PTPN3: variants seen among roughly 807,000 people sequenced by gnomAD.
The protein encoded by PTPN3 is protein tyrosine phosphatase non-receptor type 3.
PTPN3 carries 96 observed loss-of-function variants against 132.7 expected under a neutral mutation model. That is an observed-to-expected ratio of 0.72 (90% CI 0.61 to 0.86). The LOEUF (loss-of-function observed/expected upper bound fraction) is 0.86. PTPN3 is among the 40% of genes least tolerant of loss of function. The pLI is 0.00. For synonymous variants in PTPN3, 398 were observed against 429.0 expected, an observed-to-expected ratio of 0.93 and a Z score of 0.89; for missense variants, 1,125 against 1,159.6, an observed-to-expected ratio of 0.97 and a Z score of 0.43.
Position 109,379,319 on chromosome 9 carries a change from C to G in PTPN3, c.*237G>C. 1.9e-6 allele frequency: 1 copy of G among 514,474 alleles called. No individual in the cohort carries two copies. Among genetic ancestry groups the G allele is most frequent in the Non-Finnish European group, 3.5e-6 (1 of 288,522 alleles). The allele number at this position is 514,474 out of a possible 1,614,324, so 31.9% of individuals were successfully genotyped here. On this transcript the variant is annotated 3_prime_UTR_variant, in exon 26 of 26. Coordinates refer to ENST00000374541, the MANE Select transcript of PTPN3 (RefSeq NM_002829.4). ...ATTAGGACAGGCCCCAAACTGAGAT[C>G]CTTTTTGTATCTTTCCATAGAAATA...
intron 2 of PTPN3, among the ~76,000 whole-genome samples, chr9:109,460,111 T>C (rs1462013834): frequency 6.6e-6 from 1 of 152,136 alleles, no homozygotes; most frequent in Non-Finnish European, 1.5e-5. Context: ...CAGAACTGAT[T>C]ACTTCTACCC....
intron 1 of PTPN3, among the ~76,000 whole-genome samples, chr9:109,465,833 A>G (rs1846078880): frequency 1.3e-5 from 2 of 152,034 alleles, no homozygotes; most frequent in South Asian, 4.2e-4. Context: ...AGGGCCTGAG[A>G]GTAAGTTAAC....
chr9:109,498,355 C>CCGCGACGGGCCCG (rs1222205924), upstream of PTPN3: 1 of 146,432 alleles, frequency 6.8e-6, no homozygotes, highest in East Asian at 2.0e-4. The surrounding 1 kb of genome is among the most constrained non-coding windows in gnomAD (Gnocchi z 4.2). Flanking sequence ...GCCGGGCTGG[C>CCGCGACGGGCCCG]CGCGACGGGC....
intron 14 of PTPN3, among the ~76,000 whole-genome samples, chr9:109,416,404 G>A (rs1842486575): frequency 6.6e-6 from 1 of 152,036 alleles, no homozygotes; most frequent in Non-Finnish European, 1.5e-5. Flanking sequence ...GGATCCCCCA[G>A]GTTCCTTCCA....
chr9:109,490,179 T>C lies in PTPN3; in HGVS notation c.-18+8040A>G, dbSNP rs538629509. Among the ~76,000 whole-genome samples the C allele has an allele frequency of 6.6e-5, 10 of 151,370 alleles. No individual in the cohort carries two copies. In the East Asian group the frequency reaches 1.8e-3, roughly 27 times the overall value. On this transcript the variant is annotated intron_variant, in intron 1 of 25. Coordinates refer to ENST00000374541, the MANE Select transcript of PTPN3 (RefSeq NM_002829.4). The stretch of plus-strand genomic sequence containing the variant: ...GCCTGGGTGACAGAGCAAGACTCCA[T>C]CTCAAAAAAAACAAAACAAAAACAA...
At chr9:109,496,243 C>G (rs570209545) in intron 1 of PTPN3, among the ~76,000 whole-genome samples, 1 of 152,332 alleles carries the variant, frequency 6.6e-6, no homozygotes, top group Non-Finnish European at 1.5e-5. Flanking sequence ...TCGCTATAAA[C>G]TAGAATATTT....
chr9:109,451,455 T>A, intron 5 of PTPN3: 1 of 903,038 alleles, frequency 1.1e-6, no homozygotes, highest in Non-Finnish European at 1.3e-6. Context: ...ACACACACTG[T>A]TTATTACTCA....
chr9:109,479,413 ATTGG>A (rs1461735496), intron 1 of PTPN3, among the ~76,000 whole-genome samples: 1 of 152,220 alleles, frequency 6.6e-6, no homozygotes, highest in Non-Finnish European at 1.5e-5. Flanking sequence ...TTCATCTGTC[ATTGG>A]ACATTTGGGT....
chr9:109,532,927 AG>A, the PTPN3 span: 1 of 693,534 alleles, frequency 1.4e-6, no homozygotes, highest in Non-Finnish European at 2.0e-6. Context: ...CTTGTGGTTT[AG>A]GGTTTTCTTT....
the PTPN3 span, among the ~76,000 whole-genome samples, chr9:109,525,348 G>T: frequency 1.3e-5 from 2 of 152,218 alleles, no homozygotes; most frequent in African/African-American, 2.4e-5. Flanking sequence ...GTGAGCCACT[G>T]CACCTAGCTG....
At chr9:109,529,410 A>C in the PTPN3 span, among the ~76,000 whole-genome samples, 2 of 151,390 alleles carry the variant, frequency 1.3e-5, no homozygotes, top group African/African-American at 4.8e-5. Flanking sequence ...CTCAAGTCTG[A>C]GAACCACTGT....
intron 9 of PTPN3, among the ~76,000 whole-genome samples, chr9:109,436,060 G>A (rs1386681145): frequency 6.6e-6 from 1 of 152,148 alleles, no homozygotes; most frequent in South Asian, 2.1e-4. Flanking sequence ...GATTTCACAA[G>A]GTTTCTATGA....
intron 7 of PTPN3, among the ~76,000 whole-genome samples, chr9:109,438,601 G>A (rs554275946): frequency 2.6e-5 from 4 of 152,312 alleles, no homozygotes; most frequent in East Asian, 3.9e-4. Flanking sequence ...ACCCACTGGG[G>A]GAAATGCCAC....
At position 109,446,521 on chromosome 9, in the gene PTPN3, C is replaced by T. The variant is rs572940476; in HGVS notation, c.414-1229G>A. 3.9e-5 allele frequency among the ~76,000 whole-genome samples: 6 copies of T among 152,238 alleles called. No homozygotes were observed. The East Asian group carries it at 1.2e-3, about 29-fold the overall frequency. On this transcript the variant is annotated intron_variant, in intron 6 of 25. Coordinates refer to ENST00000374541, the MANE Select transcript of PTPN3 (RefSeq NM_002829.4). Reference sequence around the variant, plus strand: ...AGGGATCTCACCTCTGTTTGTTCATCTGGAAATCTAGAGAGCTCGTGGGGA... The same window carrying T: ...AGGGATCTCACCTCTGTTTGTTCATTTGGAAATCTAGAGAGCTCGTGGGGA...
intron 16 of PTPN3, among the ~76,000 whole-genome samples, chr9:109,409,112 T>C (rs1336772609): frequency 6.6e-6 from 1 of 152,026 alleles, no homozygotes; most frequent in Admixed American, 6.6e-5. Context: ...CTGATTCAAC[T>C]GCTCAACTCT....
intron 7 of PTPN3, among the ~76,000 whole-genome samples, chr9:109,440,737 C>G (rs543783731): frequency 6.6e-6 from 1 of 152,212 alleles, no homozygotes; most frequent in Non-Finnish European, 1.5e-5. Flanking sequence ...GTTAACAGTC[C>G]CATCCCTGGT....
chr9:109,514,782 G>C, the PTPN3 span, among the ~76,000 whole-genome samples: 1 of 152,172 alleles, frequency 6.6e-6, no homozygotes, highest in Non-Finnish European at 1.5e-5. Flanking sequence ...GCTTGGCCTT[G>C]TGACTTGCTT....
At chr9:109,414,242 C>A (rs561362054) in intron 14 of PTPN3, among the ~76,000 whole-genome samples, 11 of 152,378 alleles carry the variant, frequency 7.2e-5, no homozygotes, top group Admixed American at 1.3e-4. Context: ...TGGTTCTCAT[C>A]TGCAAGATCA....
chr9:109,397,906 A>G (rs1486197331), intron 19 of PTPN3: 1 of 152,168 alleles, frequency 6.6e-6, no homozygotes, highest in Non-Finnish European at 1.5e-5. Context: ...CATTATACTG[A>G]TGATGTTTTC....
Sources: gnomAD v4.1 joint callset for allele counts (sites outside exome capture counted in the v4.1 genomes callset) on GRCh38, gnomAD v4.1.1 for gene constraint, Gnocchi (gnomAD v3.1) non-coding constraint, MANE v1.5 for transcripts, NCBI Gene and HGNC (gene_info 2026-07-23, HGNC 2026-07-21) for gene names.